Variants in ATP2B2 observed in about 807,000 individuals in gnomAD.
The protein encoded by ATP2B2 is plasma membrane calcium-transporting ATPase 2.
Under a neutral mutation model 120.0 loss-of-function variants are expected in ATP2B2, and 15 were observed. That is an observed-to-expected ratio of 0.12 (90% CI 0.08 to 0.19). The LOEUF (loss-of-function observed/expected upper bound fraction) is 0.19. ATP2B2 is among the 10% of genes least tolerant of loss of function. The pLI is 1.00. For missense variants in ATP2B2, 1,045 were observed against 1,719.8 expected (o/e 0.61, Z 6.94); for synonymous variants, 694 against 700.3 (o/e 0.99, Z 0.14).
intron 2 of ATP2B2, among the ~76,000 whole-genome samples, chr3:10,561,008 T>C (rs1400417078): frequency 6.6e-6 from 1 of 152,174 alleles, no homozygotes; most frequent in Admixed American, 6.5e-5. Context: ...CTTCCGATCA[T>C]CCAGGTCACT....
chr3:10,420,066 G>A (rs1277691711), intron 2 of ATP2B2, among the ~76,000 whole-genome samples: 1 of 152,264 alleles, frequency 6.6e-6, no homozygotes, highest in Admixed American at 6.5e-5. Flanking sequence ...GTGAGAGGCT[G>A]TCAGTGCATG....
At chr3:10,617,515 A>C (rs1346099947) in intron 2 of ATP2B2, among the ~76,000 whole-genome samples, 2 of 152,370 alleles carry the variant, frequency 1.3e-5, no homozygotes, top group East Asian at 3.9e-4. Flanking sequence ...TTTGCTCAGC[A>C]TTCTGTGGAG....
intron 1 of ATP2B2, among the ~76,000 whole-genome samples, chr3:10,659,041 T>A (rs1350611695): frequency 6.6e-6 from 1 of 152,104 alleles, no homozygotes; most frequent in African/African-American, 2.4e-5. Context: ...GACAAGCAAA[T>A]GCTGAGAGAT....
chr3:10,392,697 G>A (rs952628990), intron 5 of ATP2B2, among the ~76,000 whole-genome samples: 6 of 152,230 alleles, frequency 3.9e-5, no homozygotes, highest in Admixed American at 6.5e-5. Context: ...ACAAGCACGG[G>A]GAGGGGTAGA....
At chr3:10,378,634 A>C (rs1314019028) in intron 9 of ATP2B2, among the ~76,000 whole-genome samples, 1 of 152,168 alleles carries the variant, frequency 6.6e-6, no homozygotes, top group Non-Finnish European at 1.5e-5. Context: ...CAGACCTGGA[A>C]TCTGGGACAC....
chr3:10,352,935 TG>T (rs2060619047), intron 14 of ATP2B2, among the ~76,000 whole-genome samples: 1 of 152,206 alleles, frequency 6.6e-6, no homozygotes, highest in Non-Finnish European at 1.5e-5. Flanking sequence ...GAAAGGGTTT[TG>T]GGTCATTGAC....
At chr3:10,528,512 C>T (rs907975737) in intron 3 of ATP2B2, among the ~76,000 whole-genome samples, 2 of 152,190 alleles carry the variant, frequency 1.3e-5, no homozygotes, top group East Asian at 1.9e-4. Context: ...TTATTGTTTC[C>T]TGCTGAGCAA....
intron 2 of ATP2B2, among the ~76,000 whole-genome samples, chr3:10,556,518 G>A (rs1238177203): frequency 6.6e-6 from 1 of 152,188 alleles, no homozygotes; most frequent in Admixed American, 6.5e-5. Flanking sequence ...TTATAGAAGG[G>A]GGCAGGGAAA....
intron 3 of ATP2B2, among the ~76,000 whole-genome samples, chr3:10,522,182 C>T (rs920938467): frequency 6.6e-6 from 1 of 152,178 alleles, no homozygotes; most frequent in African/African-American, 2.4e-5. Flanking sequence ...GCAGTGTCCA[C>T]CCTCCAGCTC....
intron 11 of ATP2B2, among the ~76,000 whole-genome samples, chr3:10,373,498 C>CTGAAG (rs544315168): frequency 6.6e-6 from 1 of 152,152 alleles, no homozygotes; most frequent in Non-Finnish European, 1.5e-5. Flanking sequence ...TGTGGCTATT[C>CTGAAG]TGAAGTGAAA....
chr3:10,704,278 A>C (rs1374938219), intron 1 of ATP2B2, among the ~76,000 whole-genome samples: 1 of 152,238 alleles, frequency 6.6e-6, no homozygotes, highest in East Asian at 1.9e-4. Context: ...ATACACATGG[A>C]AAAGCATCTC....
At chr3:10,419,727 C>G (rs1408795842) in intron 2 of ATP2B2, among the ~76,000 whole-genome samples, 4 of 152,188 alleles carry the variant, frequency 2.6e-5, no homozygotes. Context: ...CACTGAGGCA[C>G]AGGGTTCTTC....
chr3:10,540,090 T>G (rs6772981), intron 2 of ATP2B2, among the ~76,000 whole-genome samples: 4 of 151,362 alleles, frequency 2.6e-5, no homozygotes, highest in Admixed American at 6.6e-5. Flanking sequence ...AAAGAAGACA[T>G]TTATGCAGCC....
chr3:10,335,867 T>C (rs1487172328), intron 22 of ATP2B2, among the ~76,000 whole-genome samples: 1 of 152,122 alleles, frequency 6.6e-6, no homozygotes, highest in Non-Finnish European at 1.5e-5. Context: ...TGACCAAGGG[T>C]GACCCCTTGA....
chr3:10,389,707 T>C (rs1415500597), intron 5 of ATP2B2, among the ~76,000 whole-genome samples: 1 of 152,206 alleles, frequency 6.6e-6, no homozygotes, highest in East Asian at 1.9e-4. Context: ...AACGTGAAGG[T>C]GCTTAATGCC....
chr3:10,367,809 G>A (rs1234175061), intron 12 of ATP2B2, among the ~76,000 whole-genome samples: 1 of 152,210 alleles, frequency 6.6e-6, no homozygotes, highest in Non-Finnish European at 1.5e-5. Context: ...CCCACTCTGT[G>A]GGTTGTCATA....
intron 1 of ATP2B2, among the ~76,000 whole-genome samples, chr3:10,629,629 G>C (rs1368400864): frequency 2.6e-5 from 4 of 152,150 alleles, no homozygotes; most frequent in Non-Finnish European, 5.9e-5. Flanking sequence ...TCCCACAGCT[G>C]GGAAGTGGCC....
intron 2 of ATP2B2, among the ~76,000 whole-genome samples, chr3:10,538,018 T>C (rs2067356267): frequency 6.6e-6 from 1 of 152,254 alleles, no homozygotes; most frequent in African/African-American, 2.4e-5. Flanking sequence ...CATAATTCTT[T>C]TTACACAGTG....
intron 2 of ATP2B2, among the ~76,000 whole-genome samples, chr3:10,544,960 G>A (rs73028974): frequency 0.067 from 10,192 of 152,238 alleles, 390 homozygotes; most frequent in East Asian, 0.14. Flanking sequence ...GTTTGAAAGA[G>A]CCAAACCCTG....
Sources: gnomAD v4.1 joint callset for allele counts (sites outside exome capture counted in the v4.1 genomes callset) on GRCh38, gnomAD v4.1.1 for gene constraint, MANE v1.5 for transcripts, NCBI Gene and HGNC (gene_info 2026-07-23, HGNC 2026-07-21) for gene names.